Variants in NBDY observed in about 807,000 individuals in gnomAD.
The protein encoded by NBDY is negative regulator of P-body association.
At chrX:56,810,418 C>T (rs1234353314) in intron 2 of NBDY, among the ~76,000 whole-genome samples, 2 of 110,779 alleles carry the variant, frequency 1.8e-5, no homozygotes, top group Non-Finnish European at 3.8e-5. Context: ...TCCACATAGT[C>T]CCATATTTCT....
At chrX:56,735,577 C>T (rs1007602057) in intron 2 of NBDY, among the ~76,000 whole-genome samples, 18 of 111,760 alleles carry the variant, frequency 1.6e-4, no homozygotes, top group East Asian at 2.8e-4. Flanking sequence ...CAGCCTCCCT[C>T]CACCCACCCG....
intron 2 of NBDY, among the ~76,000 whole-genome samples, chrX:56,745,728 C>G (rs1200306822): frequency 9.0e-6 from 1 of 110,711 alleles, no homozygotes; most frequent in Non-Finnish European, 1.9e-5. Flanking sequence ...GAATAGCACC[C>G]TCCCTTTTTT....
At chrX:56,760,388 A>G (rs953977778) in intron 2 of NBDY, among the ~76,000 whole-genome samples, 6 of 68,019 alleles carry the variant, frequency 8.8e-5, no homozygotes, top group Admixed American at 3.1e-4. Flanking sequence ...AACAAAGACC[A>G]GAAAACAGAA....
chrX:56,785,517 G>T (rs1057429097), intron 2 of NBDY, among the ~76,000 whole-genome samples: 1 of 111,178 alleles, frequency 9.0e-6, no homozygotes, highest in African/African-American at 3.3e-5. Flanking sequence ...TTCTCAGGGG[G>T]CAGTTTTTCA....
At chrX:56,798,884 G>A (rs5914801) in intron 2 of NBDY, among the ~76,000 whole-genome samples, 8 of 111,674 alleles carry the variant, frequency 7.2e-5, no homozygotes, top group Non-Finnish European at 1.1e-4. Flanking sequence ...TCTTTTTCTC[G>A]TTCTCCTTCC....
chrX:56,756,957 AAAAAG>A (rs902490130), intron 2 of NBDY, among the ~76,000 whole-genome samples: 3 of 111,948 alleles, frequency 2.7e-5, no homozygotes, highest in Admixed American at 9.5e-5. Context: ...TCTCCCTGAA[AAAAAG>A]AAAAGAAAAG....
chrX:56,740,803 G>C (rs1047419357), intron 2 of NBDY, among the ~76,000 whole-genome samples: 2 of 111,039 alleles, frequency 1.8e-5, no homozygotes, highest in Non-Finnish European at 3.8e-5. Context: ...TACATGCAAA[G>C]TGTAATAATC....
intron 2 of NBDY, among the ~76,000 whole-genome samples, chrX:56,759,725 C>T (rs1030747822): frequency 2.7e-5 from 3 of 111,726 alleles, no homozygotes; most frequent in Non-Finnish European, 5.7e-5. Flanking sequence ...GAGAGAGGAA[C>T]TCCTGACTGG....
At chrX:56,755,149 T>A (rs894721437) in intron 2 of NBDY, among the ~76,000 whole-genome samples, 10 of 111,890 alleles carry the variant, frequency 8.9e-5, no homozygotes, top group Non-Finnish European at 1.5e-4. Context: ...TCAAGATGGA[T>A]TAAAGACTTA....
In NBDY at chrX:56,792,759, G is replaced by A. The variant is rs771795866; in HGVS notation, c.*167-24561G>A. On this transcript the variant is annotated intron_variant, in intron 2 of 2. Coordinates refer to ENST00000374922, the MANE Select transcript of NBDY (RefSeq NM_001348129.2). ...GTGCAAAGCAGAATGTGAGACAGGC[G>A]AGCATTCCTGGCTCCAGGCCTGGGT... 5.4e-5 allele frequency among the ~76,000 whole-genome samples: 6 copies of A among 111,637 alleles called. No homozygotes were observed. In the South Asian group the frequency reaches 1.5e-3, roughly 28 times the overall value.
intron 2 of NBDY, among the ~76,000 whole-genome samples, chrX:56,815,652 G>A (rs1342040281): frequency 3.6e-5 from 4 of 111,893 alleles, no homozygotes; most frequent in Non-Finnish European, 7.5e-5. Context: ...TGTTCATTTT[G>A]AGAATTACTA....
chrX:56,743,165 G>C (rs1015263250), intron 2 of NBDY, among the ~76,000 whole-genome samples: 1 of 111,124 alleles, frequency 9.0e-6, no homozygotes, highest in African/African-American at 3.3e-5. Flanking sequence ...ATCCCACTTG[G>C]TCATGATGAA....
At chrX:56,763,128 G>A (rs990433776) in intron 2 of NBDY, among the ~76,000 whole-genome samples, 1 of 112,932 alleles carries the variant, frequency 8.9e-6, no homozygotes, top group African/African-American at 3.2e-5. Flanking sequence ...GAGAATCAAT[G>A]TGGGAAGTCT....
chrX:56,800,833 C>T (rs766635759), intron 2 of NBDY, among the ~76,000 whole-genome samples: 8 of 111,044 alleles, frequency 7.2e-5, no homozygotes, highest in Non-Finnish European at 1.3e-4. Flanking sequence ...CAGAAGGACC[C>T]GGGCTGAACC....
intron 2 of NBDY, among the ~76,000 whole-genome samples, chrX:56,739,234 G>GTATATATATATA (rs1174908386): frequency 4.5e-5 from 1 of 22,037 alleles, no homozygotes; most frequent in African/African-American, 1.3e-4. Context: ...GTGTGTTTGT[G>GTATATATATATA]TGTGTATATA....
intron 1 of NBDY, 35 bp downstream of exon 1, chrX:56,729,624 T>C: frequency 3.4e-6 from 1 of 296,723 alleles, no homozygotes; most frequent in East Asian, 4.8e-5. Context: ...ATCTAGGCTC[T>C]TTGAAACTTA....
chrX:56,734,909 G>T (rs917599368), intron 2 of NBDY, among the ~76,000 whole-genome samples: 7 of 112,264 alleles, frequency 6.2e-5, no homozygotes, highest in African/African-American at 1.9e-4. Flanking sequence ...TGTAAAGTTG[G>T]TTTCTATCAT....
chrX:56,765,321 G>A (rs777811270), intron 2 of NBDY, among the ~76,000 whole-genome samples: 69 of 111,553 alleles, frequency 6.2e-4, no homozygotes, highest in Non-Finnish European at 1.1e-3. Flanking sequence ...ATTCTTTTTT[G>A]GGCGGTCCTT....
intron 1 of NBDY, among the ~76,000 whole-genome samples, chrX:56,731,539 C>G (rs915054742): frequency 1.8e-5 from 2 of 109,868 alleles, no homozygotes; most frequent in Non-Finnish European, 1.9e-5. Context: ...CCACTGCACT[C>G]CAGCCTGGGC....
Sources: allele counts gnomAD v4.1 joint callset (sites outside exome capture counted in the v4.1 genomes callset), GRCh38; gene constraint gnomAD v4.1.1; transcripts MANE v1.5; gene names NCBI Gene and HGNC (gene_info 2026-07-23, HGNC 2026-07-21).